The following TNFAIP8 variants were observed in gnomAD, a reference collection of about 807,000 sequenced individuals.
TNFAIP8 encodes the protein TNF alpha induced protein 8, also known as tumor necrosis factor alpha-induced protein 8.
A neutral mutation model predicts 13.3 loss-of-function variants in TNFAIP8; 7 were observed. The ratio of observed to expected loss-of-function variants is 0.52; its 90% CI spans 0.30 to 0.99. The LOEUF (loss-of-function observed/expected upper bound fraction) is 0.99, where lower values mean the gene tolerates loss of function less well. Among genes scored for constraint, TNFAIP8 ranks in the 50% least tolerant of loss-of-function variants. The probability of loss-of-function intolerance (pLI) is 0.07; values close to 1 mark genes in which losing one functional copy is unlikely to be tolerated. For synonymous variants in TNFAIP8, 94 were observed against 87.6 expected, an observed-to-expected ratio of 1.07 and a Z score of -0.41; for missense variants, 258 against 236.9, an observed-to-expected ratio of 1.09 and a Z score of -0.58.
chr5:119,311,372 T>G (rs1749722110), intron 1 of TNFAIP8, among the ~76,000 whole-genome samples: 1 of 151,874 alleles, frequency 6.6e-6, no homozygotes, highest in Non-Finnish European at 1.5e-5. Flanking sequence ...CACTGTGAAT[T>G]TTGAACAGTC....
chr5:119,388,587 G>C lies in TNFAIP8; in HGVS notation c.32-4229G>C, dbSNP rs563387577. ...CAAATGAAGAGGATTTAAGGAACAA[G>C]GAGGTGTGATAGTTAGCAAAGAACT... On this transcript the variant is annotated intron_variant, in intron 1 of 1. Coordinates refer to ENST00000504771, the MANE Select transcript of TNFAIP8 (RefSeq NM_014350.4). 2.8e-4 allele frequency among the ~76,000 whole-genome samples: 43 copies of C among 152,264 alleles called. 1 individual carries two copies. Among genetic ancestry groups the C allele is most frequent in the African/African-American group, 8.7e-4 (36 of 41,564 alleles).
intron 1 of TNFAIP8, chr5:119,333,546 A>G (rs1274655919): frequency 6.5e-7 from 1 of 1,535,090 alleles, no homozygotes; most frequent in Admixed American, 2.0e-5. Context: ...GGGTGGTTGC[A>G]TGCATTCCTC....
intron 1 of TNFAIP8, among the ~76,000 whole-genome samples, chr5:119,362,355 G>A (rs1242504548): frequency 6.6e-6 from 1 of 152,196 alleles, no homozygotes; most frequent in African/African-American, 2.4e-5. Context: ...CAGTCTAGAA[G>A]CTGGACTTTC....
intron 1 of TNFAIP8, among the ~76,000 whole-genome samples, chr5:119,370,145 GCTCT>G (rs1752018327): frequency 6.6e-6 from 1 of 152,222 alleles, no homozygotes; most frequent in South Asian, 2.1e-4. Context: ...CACAGAAGCA[GCTCT>G]CTGTTTTAAT....
At chr5:119,390,566 C>T (rs1473299645) in intron 1 of TNFAIP8, among the ~76,000 whole-genome samples, 1 of 152,142 alleles carries the variant, frequency 6.6e-6, no homozygotes, top group Non-Finnish European at 1.5e-5. Flanking sequence ...TTTCACTTTC[C>T]TTCTCTTTTT....
chr5:119,303,988 G>A (rs1749473583), intron 1 of TNFAIP8, among the ~76,000 whole-genome samples: 1 of 152,178 alleles, frequency 6.6e-6, no homozygotes, highest in Non-Finnish European at 1.5e-5. Flanking sequence ...GAGTATAAAT[G>A]GAGTGACTGC....
intron 1 of TNFAIP8, among the ~76,000 whole-genome samples, chr5:119,348,748 C>T (rs181083518): frequency 3.0e-3 from 458 of 152,058 alleles, no homozygotes; most frequent in African/African-American, 0.011. Context: ...GGCAGGGTGG[C>T]ACATGCCTGT....
intron 1 of TNFAIP8, among the ~76,000 whole-genome samples, chr5:119,367,712 A>G (rs1033969508): frequency 1.1e-4 from 17 of 152,238 alleles, no homozygotes; most frequent in Non-Finnish European, 4.4e-5. Context: ...TATTCAGTAT[A>G]GATATGACAA....
chr5:119,321,773 G>C (rs1181042102), intron 1 of TNFAIP8, among the ~76,000 whole-genome samples: 2 of 152,124 alleles, frequency 1.3e-5, no homozygotes, highest in African/African-American at 4.8e-5. Context: ...GACAGTCCTT[G>C]TGCAATGAGA....
chr5:119,381,904 C>A (rs1752499283), intron 1 of TNFAIP8, among the ~76,000 whole-genome samples: 4 of 151,892 alleles, frequency 2.6e-5, no homozygotes, highest in Non-Finnish European at 4.4e-5. Context: ...TGTACTCCAG[C>A]CTGCAAGACT....
rs1748950623 is a variant in TNFAIP8 at position 119,290,556 on chromosome 5, C to G, written c.1+21649C>G. Among the ~76,000 whole-genome samples the G allele has an allele frequency of 2.6e-5, 4 of 152,198 alleles. No homozygotes were observed. In the South Asian group the frequency reaches 8.3e-4, roughly 31 times the overall value. Reference sequence around the variant, plus strand: ...GGAAGCCTCAGATGTCTCCTATGATCAAGCTTTGCTTGATCTCCATTGCTG... The same window carrying G: ...GGAAGCCTCAGATGTCTCCTATGATGAAGCTTTGCTTGATCTCCATTGCTG... On this transcript the variant is annotated intron_variant, in intron 1 of 1. Transcript: ENST00000274456.
intron 1 of TNFAIP8, among the ~76,000 whole-genome samples, chr5:119,381,587 C>A (rs2112840458): frequency 6.6e-6 from 1 of 151,936 alleles, no homozygotes; most frequent in Middle Eastern, 3.4e-3. Flanking sequence ...AGACTATATA[C>A]CACAGTATAG....
chr5:119,379,948 C>CT (rs1172422520), intron 1 of TNFAIP8, among the ~76,000 whole-genome samples: 6 of 152,166 alleles, frequency 3.9e-5, no homozygotes, highest in Non-Finnish European at 7.4e-5. Flanking sequence ...CAGGCAGGCT[C>CT]TAAGAAGTGG....
intron 1 of TNFAIP8, among the ~76,000 whole-genome samples, chr5:119,363,373 G>T (rs1051530159): frequency 6.6e-6 from 1 of 152,174 alleles, no homozygotes; most frequent in African/African-American, 2.4e-5. Flanking sequence ...GGCCCAGGAG[G>T]TGACTGCCCT....
At chr5:119,269,988 C>G (rs1248750495) in intron 1 of TNFAIP8, among the ~76,000 whole-genome samples, 6 of 152,160 alleles carry the variant, frequency 3.9e-5, no homozygotes, top group African/African-American at 1.2e-4. Context: ...TCAGTTTATT[C>G]TTGCTACTTT....
intron 1 of TNFAIP8, among the ~76,000 whole-genome samples, chr5:119,348,620 C>A (rs1750996181): frequency 6.6e-6 from 1 of 152,124 alleles, no homozygotes; most frequent in Non-Finnish European, 1.5e-5. Context: ...GAGTCTCACG[C>A]TTGTAATCCC....
Position 119,292,685 on chromosome 5 carries a change from T to TACACAC in TNFAIP8, c.1+23786_1+23791dup, listed in dbSNP as rs71591296. On this transcript the variant is annotated intron_variant, in intron 1 of 1. Coordinates refer to the TNFAIP8 transcript ENST00000274456. ...ATATATATATATATATATATATATA[T>TACACAC]ACACACACACACAATGAAATACTAT... is the stretch of plus-strand genomic sequence containing the variant. Among the ~76,000 whole-genome samples, 24 of 52,340 alleles carry TACACAC rather than the reference T, an allele frequency of 4.6e-4. 2 individuals carry two copies. The South Asian group carries it at 7.1e-3, about 16-fold the overall frequency. The allele number at this position is 52,340 out of a possible 152,430, so 34.3% of individuals were successfully genotyped here.
At chr5:119,313,374 C>A (rs1443430086) in intron 1 of TNFAIP8, among the ~76,000 whole-genome samples, 5 of 152,166 alleles carry the variant, frequency 3.3e-5, no homozygotes, top group Non-Finnish European at 5.9e-5. Flanking sequence ...AAACATGAGG[C>A]TTTGGGGGCC....
chr5:119,343,006 A>G (rs957241246), intron 1 of TNFAIP8, among the ~76,000 whole-genome samples: 3 of 152,236 alleles, frequency 2.0e-5, no homozygotes, highest in Non-Finnish European at 2.9e-5. Flanking sequence ...CAATCCGAGG[A>G]TGGTGAGATT....
Sources: allele counts gnomAD v4.1 joint callset (sites outside exome capture counted in the v4.1 genomes callset), GRCh38; gene constraint gnomAD v4.1.1; transcripts MANE v1.5; gene names NCBI Gene and HGNC (gene_info 2026-07-23, HGNC 2026-07-21).